Variants in LINGO2 observed in about 807,000 individuals in gnomAD.
LINGO2 encodes leucine-rich repeat and immunoglobulin-like domain-containing nogo receptor-interacting protein 2.
LINGO2 carries 14 observed loss-of-function variants against 30.6 expected under a neutral mutation model. That is an observed-to-expected ratio of 0.46 (90% confidence interval 0.30 to 0.72). The LOEUF is 0.72. Among genes scored for constraint, LINGO2 ranks in the 30% least tolerant of loss-of-function variants. The pLI is 0.07. For synonymous variants in LINGO2, 317 were observed against 288.5 expected (o/e 1.10, Z -1.00); for missense variants, 729 against 751.7 (o/e 0.97, Z 0.35).
chr9:28,595,100 A>T (rs529999872), intron 1 of LINGO2, among the ~76,000 whole-genome samples: 1 of 152,146 alleles, frequency 6.6e-6, no homozygotes, highest in East Asian at 1.9e-4. Context: ...GAAATCAATT[A>T]CTCCACTGTT....
the LINGO2 span, among the ~76,000 whole-genome samples, chr9:28,710,905 T>C: frequency 6.6e-6 from 1 of 152,078 alleles, no homozygotes; most frequent in African/African-American, 2.4e-5. Context: ...GTAATTGACA[T>C]GTAACAAATA....
chr9:28,087,300 G>C (rs185845612), intron 4 of LINGO2, among the ~76,000 whole-genome samples: 2 of 152,040 alleles, frequency 1.3e-5, no homozygotes, highest in Admixed American at 1.3e-4. Context: ...ACTTGCTTTG[G>C]GGTTATTTGT....
chr9:28,848,299 AC>A, the LINGO2 span, among the ~76,000 whole-genome samples: 5,881 of 112,964 alleles, frequency 0.052, 851 homozygotes, highest in African/African-American at 0.23. Context: ...ATATATATAT[AC>A]TATATATACG....
intron 4 of LINGO2, among the ~76,000 whole-genome samples, chr9:28,071,338 T>C (rs920268034): frequency 6.6e-6 from 1 of 152,118 alleles, no homozygotes; most frequent in Non-Finnish European, 1.5e-5. Flanking sequence ...GGCTATGTTC[T>C]TTCTCATTTC....
intron 4 of LINGO2, among the ~76,000 whole-genome samples, chr9:28,012,771 T>TA (rs1292492273): frequency 6.6e-6 from 1 of 152,190 alleles, no homozygotes; most frequent in Non-Finnish European, 1.5e-5. Flanking sequence ...CTCCCACTTA[T>TA]AGCCCCAAGG....
chr9:28,625,523 G>T (rs748234029), intron 1 of LINGO2, among the ~76,000 whole-genome samples: 6 of 152,110 alleles, frequency 3.9e-5, no homozygotes, highest in Non-Finnish European at 8.8e-5. Flanking sequence ...TGGTGTTCCT[G>T]CAGGGGGAAT....
At chr9:28,441,251 C>CTTTTTTTTTTTTTTTTTTTTT (rs72213590) in intron 2 of LINGO2, among the ~76,000 whole-genome samples, 2 of 36,262 alleles carry the variant, frequency 5.5e-5, no homozygotes, top group African/African-American at 9.3e-5. Flanking sequence ...TCATTGGAGG[C>CTTTTTTTTTTTTTTTTTTTTT]TTTTTTTTTT....
intron 2 of LINGO2, among the ~76,000 whole-genome samples, chr9:28,411,568 C>T (rs1822765080): frequency 6.6e-6 from 1 of 152,066 alleles, no homozygotes; most frequent in Admixed American, 6.6e-5. Flanking sequence ...ACTCTAGGTA[C>T]CTCATATAAG....
rs1326548684 is a variant in LINGO2 at position 28,375,129 on chromosome 9, CACACAT to C, written c.-278-2267_-278-2262del. ...ACACACACACACACACACACACACA[CACACAT>C]ACACCCCACACTAAGCTTCTCTCCA... On this transcript the variant is annotated intron_variant, in intron 2 of 5. Coordinates refer to ENST00000379992, the Ensembl canonical transcript of LINGO2. Among the ~76,000 whole-genome samples the C allele has an allele frequency of 3.3e-3, 369 of 113,520 alleles. 1 individual carries two copies. The highest frequency in any genetic ancestry group is 0.014 in the South Asian group (52 of 3,666). The allele number at this position is 113,520 out of a possible 152,430, so 74.5% of individuals were successfully genotyped here.
At chr9:28,234,520 T>G (rs919549206) in intron 4 of LINGO2, among the ~76,000 whole-genome samples, 13 of 152,262 alleles carry the variant, frequency 8.5e-5, no homozygotes, top group African/African-American at 2.6e-4. Context: ...CCACTCTCAA[T>G]CTATGGGACA....
At position 28,407,055 on chromosome 9, in the gene LINGO2, T is replaced by G. The variant is rs1822543050; in HGVS notation, c.-278-34187A>C. ...GAAAGAATATATGATACTACTACATTTTTGTTTCTAGGGCTATATGTATAT... is the reference window on the plus strand; with the variant it reads ...GAAAGAATATATGATACTACTACATGTTTGTTTCTAGGGCTATATGTATAT... On this transcript the variant is annotated intron_variant, in intron 2 of 5. Coordinates refer to ENST00000379992, the Ensembl canonical transcript of LINGO2. Among the ~76,000 whole-genome samples the G allele has an allele frequency of 3.3e-5, 5 of 152,180 alleles. No individual in the cohort carries two copies. In the South Asian group the frequency reaches 1.0e-3, roughly 32 times the overall value.
intron 1 of LINGO2, among the ~76,000 whole-genome samples, chr9:28,651,662 A>G (rs891682751): frequency 2.0e-5 from 3 of 151,140 alleles, no homozygotes; most frequent in Non-Finnish European, 4.4e-5. Flanking sequence ...TGTTTTAGTA[A>G]AACTTGTTAT....
At chr9:29,101,506 C>A in the LINGO2 span, among the ~76,000 whole-genome samples, 1 of 152,108 alleles carries the variant, frequency 6.6e-6, no homozygotes, top group Non-Finnish European at 1.5e-5. Context: ...TAGCTATTAA[C>A]CATCCCCCTA....
the LINGO2 span, among the ~76,000 whole-genome samples, chr9:28,919,355 G>C: frequency 1.3e-5 from 2 of 152,070 alleles, no homozygotes; most frequent in Non-Finnish European, 2.9e-5. Flanking sequence ...TCAGTAGTTG[G>C]CAAACCTACA....
chr9:28,356,280 A>G (rs1331911), intron 3 of LINGO2, among the ~76,000 whole-genome samples: 147,104 of 152,202 alleles, frequency 0.97, 71,317 homozygotes, highest in Middle Eastern at 1. Context: ...CCAAGCAGGT[A>G]TATTTCTCAA....
chr9:28,245,195 T>A (rs1259379253), intron 4 of LINGO2, among the ~76,000 whole-genome samples: 1 of 152,090 alleles, frequency 6.6e-6, no homozygotes, highest in Admixed American at 6.6e-5. Context: ...ACTGAACCAA[T>A]GATAAAAACC....
the LINGO2 span, chr9:28,863,698 A>G: frequency 1.9e-6 from 1 of 528,066 alleles, no homozygotes; most frequent in East Asian, 5.5e-5. Flanking sequence ...AGAAATCCAC[A>G]GCACTTCACA....
At chr9:27,986,770 T>C (rs1821144878) in intron 5 of LINGO2, among the ~76,000 whole-genome samples, 1 of 151,740 alleles carries the variant, frequency 6.6e-6, no homozygotes, top group South Asian at 2.1e-4. Context: ...AAAATCAACA[T>C]GGTAACGGTC....
chr9:28,874,533 A>G, the LINGO2 span, among the ~76,000 whole-genome samples: 13 of 152,026 alleles, frequency 8.6e-5, no homozygotes, highest in African/African-American at 2.9e-4. Context: ...ATATAACAAA[A>G]TCATATATTT....
Sources: gnomAD v4.1 joint callset for allele counts (sites outside exome capture counted in the v4.1 genomes callset) on GRCh38, gnomAD v4.1.1 for gene constraint, MANE v1.5 for transcripts, NCBI Gene and HGNC (gene_info 2026-07-23, HGNC 2026-07-21) for gene names.